Variants in CELF2 observed in about 807,000 individuals in gnomAD.
CELF2 encodes the protein CUG triplet repeat RNA-binding protein 2.
CELF2 carries 8 observed loss-of-function variants against 62.6 expected under a neutral mutation model. That is an observed-to-expected ratio of 0.13 (90% CI 0.07 to 0.23). The LOEUF is 0.23. Ranked by LOEUF, CELF2 falls within the 10% of genes least tolerant of loss-of-function variation. The probability of loss-of-function intolerance (pLI) is 1.00; values close to 1 mark genes in which losing one functional copy is unlikely to be tolerated. For missense variants in CELF2, 333 were observed against 671.0 expected (o/e 0.50, Z 5.56); for synonymous variants, 258 against 250.0 (o/e 1.03, Z -0.30).
the CELF2 span, among the ~76,000 whole-genome samples, chr10:10,609,164 G>A: frequency 3.3e-5 from 5 of 152,128 alleles, no homozygotes; most frequent in Admixed American, 6.5e-5. Context: ...TTCCAGGTGA[G>A]AGAACTAAGT....
chr10:10,891,131 C>G (rs934038408), intron 1 of CELF2, among the ~76,000 whole-genome samples: 9 of 152,272 alleles, frequency 5.9e-5, no homozygotes, highest in African/African-American at 2.2e-4. Context: ...ATTAGACATA[C>G]AGACTCCAGC....
At chr10:10,616,507 C>T in the CELF2 span, among the ~76,000 whole-genome samples, 6 of 151,862 alleles carry the variant, frequency 4.0e-5, no homozygotes, top group African/African-American at 9.7e-5. Context: ...AACAAATAAT[C>T]GTTGGATGTA....
chr10:10,676,826 G>T, the CELF2 span, among the ~76,000 whole-genome samples: 1 of 152,152 alleles, frequency 6.6e-6, no homozygotes, highest in Non-Finnish European at 1.5e-5. Flanking sequence ...TATTAGGGGG[G>T]AGTGACAGCT....
chr10:10,509,818 C>T, the CELF2 span, among the ~76,000 whole-genome samples: 59,942 of 152,056 alleles, frequency 0.39, 13,167 homozygotes, highest in East Asian at 0.55. Context: ...TGCAGAAAAG[C>T]CCCTACAGTA....
chr10:10,801,409 A>G (rs1231647046), intron 1 of CELF2, among the ~76,000 whole-genome samples: 2 of 152,210 alleles, frequency 1.3e-5, no homozygotes. Flanking sequence ...TTAACGGTTT[A>G]CTTGCCACCA....
the CELF2 span, among the ~76,000 whole-genome samples, chr10:10,674,309 T>A: frequency 2.6e-5 from 4 of 152,244 alleles, no homozygotes; most frequent in Non-Finnish European, 5.9e-5. Context: ...CTTTGAAGTC[T>A]GTTCTTTTTG....
chr10:10,747,844 C>T, the CELF2 span, among the ~76,000 whole-genome samples: 3 of 152,152 alleles, frequency 2.0e-5, no homozygotes, highest in Admixed American at 6.5e-5. Flanking sequence ...GTAGCTGGGA[C>T]TACAGGCATG....
chr10:10,722,812 T>C, the CELF2 span, among the ~76,000 whole-genome samples: 4 of 152,198 alleles, frequency 2.6e-5, no homozygotes, highest in Non-Finnish European at 5.9e-5. Flanking sequence ...AGAAGCTGAC[T>C]GTAGCATTTC....
At chr10:10,631,951 G>A in the CELF2 span, among the ~76,000 whole-genome samples, 19 of 152,088 alleles carry the variant, frequency 1.2e-4, no homozygotes, top group Non-Finnish European at 1.2e-4. Flanking sequence ...TCCTTCAAGC[G>A]TAAAGTGATA....
chr10:10,682,766 A>G, the CELF2 span, among the ~76,000 whole-genome samples: 3 of 151,990 alleles, frequency 2.0e-5, no homozygotes, highest in Non-Finnish European at 4.4e-5. Flanking sequence ...TTGATTGCAC[A>G]TTTCTGTATT....
the CELF2 span, among the ~76,000 whole-genome samples, chr10:10,621,819 G>T: frequency 6.6e-6 from 1 of 152,092 alleles, no homozygotes; most frequent in South Asian, 2.1e-4. Flanking sequence ...AGGTAAAATG[G>T]CATCTATGGC....
the CELF2 span, among the ~76,000 whole-genome samples, chr10:10,720,918 A>G: frequency 1.2e-4 from 18 of 152,228 alleles, no homozygotes; most frequent in Non-Finnish European, 2.4e-4. Context: ...CAGTTGGGGG[A>G]AAAATATGAA....
chr10:11,284,541 A>AGTGTGCG (rs2090485030), intron 8 of CELF2, among the ~76,000 whole-genome samples: 1 of 124,326 alleles, frequency 8.0e-6, no homozygotes, highest in African/African-American at 3.2e-5. Flanking sequence ...ATGAGGGATG[A>AGTGTGCG]GTGGGAGCAT....
chr10:10,884,420 C>T (rs564073978), intron 1 of CELF2, among the ~76,000 whole-genome samples: 2 of 152,288 alleles, frequency 1.3e-5, no homozygotes, highest in East Asian at 3.9e-4. Flanking sequence ...ATTGCTAAAC[C>T]TGCTTTTAAA....
chr10:10,798,490 TA>T (rs111922864), upstream of CELF2: 1,199 of 343,878 alleles, frequency 3.5e-3, 13 homozygotes, highest in African/African-American at 0.022. Context: ...GTGCTTGGAA[TA>T]AAGTGGGCTA....
Position 11,296,508 on chromosome 10 carries a change from T to C in CELF2, c.976+7956T>C, listed in dbSNP as rs1013839203. ...AAGCATGTGTTGCTTAATTGTGTTA[T>C]ATTAGGTGGGAAAATCAGCAAAGCT... is the stretch of plus-strand genomic sequence containing the variant. On this transcript the variant is annotated intron_variant, in intron 9 of 12. Transcript: ENST00000633077. The surrounding 1 kb of genome is among the most constrained non-coding windows in gnomAD (Gnocchi z 5.0). Among the ~76,000 whole-genome samples the C allele has an allele frequency of 6.6e-6, 1 of 152,212 alleles. No individual in the cohort carries two copies. Among genetic ancestry groups the C allele is most frequent in the Non-Finnish European group, 1.5e-5 (1 of 68,048 alleles).
intron 2 of CELF2, among the ~76,000 whole-genome samples, chr10:10,986,182 TAA>T (rs199602278): frequency 6.8e-6 from 1 of 146,584 alleles, no homozygotes; most frequent in African/African-American, 2.5e-5. Flanking sequence ...AAACTTTTTA[TAA>T]AAAAAAAAGG....
At chr10:10,650,136 C>T in the CELF2 span, among the ~76,000 whole-genome samples, 4 of 152,140 alleles carry the variant, frequency 2.6e-5, no homozygotes, top group African/African-American at 4.8e-5. Context: ...GTGCAAAGTT[C>T]GACCTGTCCC....
At position 11,197,025 on chromosome 10, in the gene CELF2, A is replaced by AAAAAGAAAG. The variant is rs1554936318; in HGVS notation, c.272-20397_272-20396insAGAAAGAAA. ...AGGAGAAAGAAAGAAAGAAAGAAAG[A>AAAAAGAAAG]AAAGAAAGAAAGAAAGAAAGAAAGA... On this transcript the variant is annotated intron_variant, in intron 2 of 12. Coordinates refer to ENST00000633077, the MANE Select transcript of CELF2 (RefSeq NM_001326342.2). 7.7e-5 allele frequency among the ~76,000 whole-genome samples: 2 copies of AAAAAGAAAG among 26,048 alleles called. 1 individual carries two copies. The allele number at this position is 26,048 out of a possible 152,430, so 17.1% of individuals were successfully genotyped here.
Sources: allele counts gnomAD v4.1 joint callset (sites outside exome capture counted in the v4.1 genomes callset), GRCh38; gene constraint gnomAD v4.1.1; non-coding constraint Gnocchi (gnomAD v3.1); transcripts MANE v1.5; gene names NCBI Gene and HGNC (gene_info 2026-07-23, HGNC 2026-07-21).